Variants in ASPRV1 observed in about 807,000 individuals in gnomAD.
ASPRV1 encodes the protein retroviral-like aspartic protease 1.
In ASPRV1, 7 loss-of-function variants were observed where a neutral mutation model predicts 11.0. That is an observed-to-expected ratio of 0.64 (90% CI 0.36 to 1.20). The LOEUF is 1.20. Ranked by LOEUF, ASPRV1 falls within the 50% of genes most tolerant of loss-of-function variation. ASPRV1 has a pLI of 0.02. For missense variants in ASPRV1, 299 were observed against 320.0 expected (o/e 0.93, Z 0.50); for synonymous variants, 136 against 138.4 (o/e 0.98, Z 0.12).
At chr2:69,968,229 G>C in the ASPRV1 span, among the ~76,000 whole-genome samples, 2 of 151,490 alleles carry the variant, frequency 1.3e-5, no homozygotes, top group East Asian at 3.9e-4. Flanking sequence ...TTTTTAAAAG[G>C]TGCTTTAAAA....
the ASPRV1 span, among the ~76,000 whole-genome samples, chr2:69,934,882 T>G: frequency 2.6e-5 from 4 of 152,318 alleles, no homozygotes; most frequent in East Asian, 7.7e-4. Flanking sequence ...CTATTACAAA[T>G]AAAGCTTCAA....
chr2:69,936,739 T>A, the ASPRV1 span, among the ~76,000 whole-genome samples: 3 of 152,220 alleles, frequency 2.0e-5, no homozygotes, highest in African/African-American at 7.2e-5. Flanking sequence ...GGACTATTAT[T>A]TCCTGCTAAC....
the ASPRV1 span, among the ~76,000 whole-genome samples, chr2:69,950,246 C>T: frequency 2.0e-5 from 3 of 152,214 alleles, no homozygotes; most frequent in African/African-American, 7.2e-5. Flanking sequence ...CCTGAGTGTC[C>T]TTCCCAACAC....
the ASPRV1 span, chr2:69,976,225 G>A: frequency 6.6e-6 from 1 of 152,472 alleles, no homozygotes; most frequent in Non-Finnish European, 1.5e-5. Flanking sequence ...TCCAGACCCA[G>A]TGCTGCCCTC....
At chr2:69,978,816 G>A in the ASPRV1 span, among the ~76,000 whole-genome samples, 1 of 152,198 alleles carries the variant, frequency 6.6e-6, no homozygotes. Flanking sequence ...CACAACTGAG[G>A]AAACTCCCAG....
the ASPRV1 span, among the ~76,000 whole-genome samples, chr2:70,075,454 C>T: frequency 2.6e-5 from 4 of 151,620 alleles, no homozygotes; most frequent in African/African-American, 9.7e-5. Flanking sequence ...AGTTTTCTAA[C>T]CTCTCTTCAA....
the ASPRV1 span, among the ~76,000 whole-genome samples, chr2:70,033,046 C>T: frequency 6.6e-6 from 1 of 152,116 alleles, no homozygotes; most frequent in East Asian, 1.9e-4. Flanking sequence ...GTTTTAAAAA[C>T]TCCCTGAACC....
the ASPRV1 span, among the ~76,000 whole-genome samples, chr2:70,041,472 A>G: frequency 6.6e-6 from 1 of 151,882 alleles, no homozygotes; most frequent in Non-Finnish European, 1.5e-5. Context: ...TCAAGGATTG[A>G]AAAAAAAATT....
the ASPRV1 span, among the ~76,000 whole-genome samples, chr2:69,994,697 T>C: frequency 6.6e-6 from 1 of 152,056 alleles, no homozygotes; most frequent in African/African-American, 2.4e-5. Flanking sequence ...CCTTTCTCTT[T>C]AAAAAAATAA....
upstream of ASPRV1, chr2:69,963,402 C>T (rs1218461078): frequency 4.4e-6 from 2 of 456,756 alleles, no homozygotes; most frequent in Non-Finnish European, 8.8e-6. Flanking sequence ...TTGCAGATAG[C>T]TTCCCAGCTG....
the ASPRV1 span, among the ~76,000 whole-genome samples, chr2:69,985,453 A>G: frequency 1.3e-5 from 2 of 151,884 alleles, no homozygotes; most frequent in African/African-American, 4.8e-5. Context: ...CTGGCCTTTC[A>G]CCAACAGTCA....
chr2:70,006,100 C>T, the ASPRV1 span, among the ~76,000 whole-genome samples: 3 of 152,224 alleles, frequency 2.0e-5, no homozygotes, highest in African/African-American at 4.8e-5. Flanking sequence ...AATATGTGCA[C>T]ATGCACATGC....
chr2:69,968,004 C>T, the ASPRV1 span, among the ~76,000 whole-genome samples: 2 of 152,074 alleles, frequency 1.3e-5, no homozygotes, highest in African/African-American at 2.4e-5. Context: ...ATTGCTTGAA[C>T]CCAGAAGGCG....
At chr2:70,083,272 G>A in the ASPRV1 span, among the ~76,000 whole-genome samples, 1 of 152,230 alleles carries the variant, frequency 6.6e-6, no homozygotes, top group Non-Finnish European at 1.5e-5. Context: ...AATTCTAACA[G>A]GCTGTGTAAC....
the ASPRV1 span, among the ~76,000 whole-genome samples, chr2:70,053,390 G>A: frequency 6.6e-6 from 1 of 152,078 alleles, no homozygotes; most frequent in African/African-American, 2.4e-5. Context: ...ATGAGTGGAG[G>A]CAGGGCACTC....
At chr2:70,061,044 T>C in the ASPRV1 span, among the ~76,000 whole-genome samples, 5 of 152,068 alleles carry the variant, frequency 3.3e-5, no homozygotes, top group South Asian at 6.2e-4. Context: ...AACAGTTTCT[T>C]TATATAGAGC....
the ASPRV1 span, among the ~76,000 whole-genome samples, chr2:70,063,400 T>A: frequency 6.6e-6 from 1 of 152,128 alleles, no homozygotes; most frequent in Non-Finnish European, 1.5e-5. Context: ...GAATACTCTC[T>A]CCCCAAAATT....
At chr2:69,972,415 T>C in the ASPRV1 span, among the ~76,000 whole-genome samples, 1 of 149,610 alleles carries the variant, frequency 6.7e-6, no homozygotes, top group South Asian at 2.1e-4. Context: ...TGGAGTGCAG[T>C]GGCGTGATCT....
In ASPRV1 at chr2:69,961,512, C is replaced by G. The variant is rs747111650; in HGVS notation, c.-76G>C. 5 of 1,614,144 alleles carry G rather than the reference C, an allele frequency of 3.1e-6. No homozygotes were observed. Among genetic ancestry groups the G allele is most frequent in the Non-Finnish European group, 2.5e-6 (3 of 1,180,036 alleles). On this transcript the variant is annotated 5_prime_UTR_variant, in exon 1 of 1. Transcript: ENST00000320256. ...ACCCACAGAGCAGTGTCGGCGCAATCACGCTGGAAAACGGGGCCTCTCGAA... is the reference window on the plus strand; with the variant it reads ...ACCCACAGAGCAGTGTCGGCGCAATGACGCTGGAAAACGGGGCCTCTCGAA...
Sources: allele counts gnomAD v4.1 joint callset (sites outside exome capture counted in the v4.1 genomes callset), GRCh38; gene constraint gnomAD v4.1.1; transcripts MANE v1.5; gene names NCBI Gene and HGNC (gene_info 2026-07-23, HGNC 2026-07-21).